Variants in IL1RAPL1 observed in about 807,000 individuals in gnomAD.
IL1RAPL1 encodes interleukin 1 receptor accessory protein like 1.
IL1RAPL1 carries 3 observed loss-of-function variants against 48.4 expected under a neutral mutation model. That is an observed-to-expected ratio of 0.06 (90% CI 0.03 to 0.16). The LOEUF is 0.16. Among genes scored for constraint, IL1RAPL1 ranks in the 10% least tolerant of loss-of-function variants. The pLI is 1.00. For synonymous variants in IL1RAPL1, 185 were observed against 187.7 expected (o/e 0.99, Z 0.12); for missense variants, 349 against 530.6 (o/e 0.66, Z 3.36).
intron 3 of IL1RAPL1, among the ~76,000 whole-genome samples, chrX:29,385,204 C>G (rs989625925): frequency 1.8e-5 from 2 of 112,258 alleles, no homozygotes; most frequent in African/African-American, 6.5e-5. Flanking sequence ...CCTGTAATCC[C>G]AGCACATTGG....
chrX:29,488,010 G>A (rs1935114757), intron 5 of IL1RAPL1, among the ~76,000 whole-genome samples: 2 of 111,620 alleles, frequency 1.8e-5, no homozygotes, highest in Admixed American at 1.9e-4. Context: ...TTTCACAGGG[G>A]TATATAGATC....
intron 1 of IL1RAPL1, among the ~76,000 whole-genome samples, chrX:28,758,249 A>C (rs903380374): frequency 8.9e-6 from 1 of 111,962 alleles, no homozygotes; most frequent in African/African-American, 3.3e-5. Context: ...GTAGTTGATT[A>C]GTTATAAGAT....
Position 29,620,977 on chromosome X carries a change from A to G in IL1RAPL1, c.704-47453A>G, listed in dbSNP as rs1924443134. ...GTTAGAACCTTCTTTAAATAGAAAG[A>G]ATTCTCTTGCAGTACGTGGTAATTG... On this transcript the variant is annotated intron_variant, in intron 5 of 10. Transcript: ENST00000378993. Among the ~76,000 whole-genome samples, 4 of 112,100 alleles carry G rather than the reference A, an allele frequency of 3.6e-5. No homozygotes were observed. The South Asian group carries it at 1.5e-3, about 41-fold the overall frequency.
intron 5 of IL1RAPL1, among the ~76,000 whole-genome samples, chrX:29,560,749 G>A (rs1319421922): frequency 1.8e-5 from 2 of 111,273 alleles, no homozygotes; most frequent in Non-Finnish European, 3.8e-5. Flanking sequence ...CTTTTTTTGT[G>A]AATTGTTTTT....
intron 5 of IL1RAPL1, among the ~76,000 whole-genome samples, chrX:29,487,505 G>A (rs112442122): frequency 0.06 from 6,671 of 111,512 alleles, 492 homozygotes; most frequent in African/African-American, 0.21. Flanking sequence ...GAAGATGGGC[G>A]TGCATGCTAT....
At chrX:29,138,949 G>T (rs889800008) in intron 2 of IL1RAPL1, among the ~76,000 whole-genome samples, 3 of 111,441 alleles carry the variant, frequency 2.7e-5, no homozygotes, top group African/African-American at 9.8e-5. Context: ...AAGCATAGAG[G>T]TGCTGTTTAA....
At chrX:29,638,729 A>T (rs1168613378) in intron 5 of IL1RAPL1, among the ~76,000 whole-genome samples, 1 of 112,033 alleles carries the variant, frequency 8.9e-6, no homozygotes, top group Non-Finnish European at 1.9e-5. Context: ...GTTATCTTTT[A>T]TCAAAAGAAC....
intron 1 of IL1RAPL1, among the ~76,000 whole-genome samples, chrX:28,671,755 T>C (rs971479392): frequency 8.9e-6 from 1 of 112,236 alleles, no homozygotes; most frequent in Non-Finnish European, 1.9e-5. Flanking sequence ...TACTGAACTG[T>C]TTTCTCTGCC....
At chrX:29,507,799 G>A (rs1353536739) in intron 5 of IL1RAPL1, among the ~76,000 whole-genome samples, 1 of 110,948 alleles carries the variant, frequency 9.0e-6, no homozygotes, top group African/African-American at 3.3e-5. Context: ...GTAGGATTTA[G>A]CTGTGCCTAT....
intron 2 of IL1RAPL1, among the ~76,000 whole-genome samples, chrX:29,138,697 A>G (rs918413180): frequency 7.5e-5 from 8 of 106,746 alleles, no homozygotes; most frequent in Non-Finnish European, 1.5e-4. Context: ...GAATCGCTTG[A>G]ACCCGGGAGG....
intron 2 of IL1RAPL1, among the ~76,000 whole-genome samples, chrX:29,274,896 C>T (rs1197143760): frequency 1.8e-5 from 2 of 110,937 alleles, no homozygotes; most frequent in Non-Finnish European, 3.8e-5. Flanking sequence ...CCCTTCTGAT[C>T]AATTTCAGCA....
chrX:28,969,921 C>A (rs1173327345), intron 2 of IL1RAPL1, among the ~76,000 whole-genome samples: 2 of 106,302 alleles, frequency 1.9e-5, no homozygotes, highest in African/African-American at 6.7e-5. Context: ...ATATATGTTT[C>A]TAAACACATA....
chrX:29,356,537 TAC>T (rs767076288), intron 3 of IL1RAPL1, among the ~76,000 whole-genome samples: 3 of 110,676 alleles, frequency 2.7e-5, no homozygotes, highest in African/African-American at 6.6e-5. Flanking sequence ...TGTGCATATA[TAC>T]ACACACGTGC....
rs762918998 is a variant in IL1RAPL1 at position 29,319,364 on chromosome X, AT to A, written c.362+36167del. 6.7e-4 allele frequency among the ~76,000 whole-genome samples: 39 copies of A among 58,141 alleles called. 1 individual carries two copies. Among genetic ancestry groups the A allele is most frequent in the East Asian group, 2.4e-3 (5 of 2,064 alleles). 50.5% of individuals were successfully genotyped at this position (58,141 alleles called of 115,157 possible). A position where few individuals can be genotyped will look rare whatever the true frequency, so the allele number is the denominator to read the frequency against. The stretch of plus-strand genomic sequence containing the variant: ...ACCCCACTGCATGTAGATAAATTTA[AT>A]TTTTTTTTTTTTTTTTTTTGTAGAG... On this transcript the variant is annotated intron_variant, in intron 3 of 10. Transcript: ENST00000378993.
chrX:28,886,750 G>A (rs1601944909), intron 2 of IL1RAPL1, among the ~76,000 whole-genome samples: 1 of 110,505 alleles, frequency 9.0e-6, no homozygotes, highest in Non-Finnish European at 1.9e-5. Flanking sequence ...AAATTATTAT[G>A]CATTTGACCA....
chrX:28,610,699 G>A lies in IL1RAPL1; in HGVS notation c.-25+22652G>A, dbSNP rs141506014. ...TGCATTTGCTGCCTAGCTCAGCTCC[G>A]AGACAGGAAACTGAATTAGGTATAC... On this transcript the variant is annotated intron_variant, in intron 1 of 10. Transcript: ENST00000378993. Among the ~76,000 whole-genome samples the A allele has an allele frequency of 3.6e-4, 40 of 111,200 alleles. No homozygotes were observed. In the East Asian group the frequency reaches 8.5e-3, roughly 24 times the overall value.
At chrX:29,365,546 A>T (rs1457265020) in intron 3 of IL1RAPL1, among the ~76,000 whole-genome samples, 1 of 107,884 alleles carries the variant, frequency 9.3e-6, no homozygotes, top group Non-Finnish European at 1.9e-5. Flanking sequence ...AAACACAAAA[A>T]AATTAGCTGG....
At chrX:28,968,156 T>G (rs1431574905) in intron 2 of IL1RAPL1, among the ~76,000 whole-genome samples, 1 of 111,965 alleles carries the variant, frequency 8.9e-6, no homozygotes, top group Admixed American at 9.6e-5. Flanking sequence ...TATATAATTA[T>G]AAGCTGGTGG....
chrX:29,303,236 T>C (rs1208962373), intron 3 of IL1RAPL1, among the ~76,000 whole-genome samples: 1 of 111,306 alleles, frequency 9.0e-6, no homozygotes, highest in Non-Finnish European at 1.9e-5. Flanking sequence ...TGGGAGGTGT[T>C]GAGGGTCTGG....
Sources: allele counts gnomAD v4.1 joint callset (sites outside exome capture counted in the v4.1 genomes callset), GRCh38; gene constraint gnomAD v4.1.1; transcripts MANE v1.5; gene names NCBI Gene and HGNC (gene_info 2026-07-23, HGNC 2026-07-21).